The following GJA3 variants were observed in gnomAD, a reference collection of about 807,000 sequenced individuals.
GJA3 encodes gap junction protein alpha 3.
For synonymous variants in GJA3, 297 were observed against 292.6 expected (o/e 1.02, Z -0.15); for missense variants, 571 against 620.3 (o/e 0.92, Z 0.84).
chr13:20,153,659 G>C (rs995019446), intron 1 of GJA3, among the ~76,000 whole-genome samples: 2 of 152,136 alleles, frequency 1.3e-5, no homozygotes, highest in Non-Finnish European at 2.9e-5. Context: ...GGAAGGGATA[G>C]TATTAGGAGA....
chr13:20,154,114 GA>G (rs2141144516), intron 1 of GJA3, among the ~76,000 whole-genome samples: 1 of 152,184 alleles, frequency 6.6e-6, no homozygotes, highest in Non-Finnish European at 1.5e-5. Flanking sequence ...TCTAACACAG[GA>G]AACTTAGGTA....
rs568779172 is a variant in GJA3, at chr13:20,150,726, C to T, written c.-17-7421G>A. On this transcript the variant is annotated intron_variant, in intron 1 of 1. Transcript: ENST00000241125. Reference sequence around the variant, plus strand: ...GGAGGGCGAAGGCCCCCTGAGGCCCCGCAGAGCCTGGCACAGCTGTGACAG... The same window carrying T: ...GGAGGGCGAAGGCCCCCTGAGGCCCTGCAGAGCCTGGCACAGCTGTGACAG... 6.6e-5 allele frequency among the ~76,000 whole-genome samples: 10 copies of T among 152,092 alleles called. No individual in the cohort carries two copies. The South Asian group carries it at 8.3e-4, about 13-fold the overall frequency.
intron 1 of GJA3, among the ~76,000 whole-genome samples, chr13:20,154,017 T>TAGATATACAG (rs1779748502): frequency 6.6e-6 from 1 of 152,214 alleles, no homozygotes; most frequent in African/African-American, 2.4e-5. Context: ...GCAACAGTTC[T>TAGATATACAG]AGATATACAG....
intron 1 of GJA3, among the ~76,000 whole-genome samples, chr13:20,159,194 G>A (rs1409622603): frequency 1.3e-5 from 2 of 151,692 alleles, no homozygotes; most frequent in East Asian, 1.9e-4. Flanking sequence ...GTGTGGCACT[G>A]TGCCACACAC....
At chr13:20,149,642 T>C (rs1442751320) in intron 1 of GJA3, among the ~76,000 whole-genome samples, 2 of 152,144 alleles carry the variant, frequency 1.3e-5, no homozygotes, top group Non-Finnish European at 1.5e-5. Flanking sequence ...AAATGGGCAG[T>C]TGGGGAAAAG....
Position 20,143,004 on chromosome 13 carries a change from G to C in GJA3, c.285C>G (p.His95Gln). The change falls in exon 2 of 2, where the codon CAC becomes CAG. Residue 95 changes from histidine (H) to glutamine (Q), a missense_variant. Physicochemically the swap from His to Gln is conservative, Grantham distance 24 (BLOSUM62 0). Transcript: ENST00000241125. ...VSTPTLIYLG[H>Q]VLHIVRMEEK... ...CTTCCATGCGCACGATGTGCAGCAC[G>C]TGGCCCAGGTAGATGAGGGTGGGCG... is the stretch of plus-strand genomic sequence containing the variant. 2 of 1,607,098 alleles carry C rather than the reference G, an allele frequency of 1.2e-6. No homozygotes were observed. The highest frequency in any genetic ancestry group is 1.7e-6 in the Non-Finnish European group (2 of 1,176,666).
Position 20,142,089 on chromosome 13 carries a change from G to A in GJA3, c.1200C>T (p.Thr400=), listed in dbSNP as rs1360108085. 5 of 1,549,148 alleles carry A rather than the reference G, an allele frequency of 3.2e-6. No homozygotes were observed. Among genetic ancestry groups the A allele is most frequent in the Admixed American group, 2.0e-5 (1 of 50,962 alleles). Residue 400 remains threonine (T), a synonymous_variant, in exon 2 of 2, where the codon ACC becomes ACT. Coordinates refer to ENST00000241125, the MANE Select transcript of GJA3 (RefSeq NM_021954.4). ...TPEEEEQAVT[T]AAQMHQPPLP... ...AGGGCGGCTGGTGCATCTGGGCCGCGGTGGTCACGGCCTGCTCCTCCTCCT... is the reference window on the plus strand; with the variant it reads ...AGGGCGGCTGGTGCATCTGGGCCGCAGTGGTCACGGCCTGCTCCTCCTCCT...
At position 20,141,676 on chromosome 13, in the gene GJA3, C is replaced by G. The variant is rs1674061178; in HGVS notation, c.*305G>C. ...CTTTACCACTACAGAACAGTTACCC[C>G]CAGAGACAGCCCTCAGCGACCAGAT... On this transcript the variant is annotated 3_prime_UTR_variant, in exon 2 of 2. Coordinates refer to ENST00000241125, the MANE Select transcript of GJA3 (RefSeq NM_021954.4). The G allele has an allele frequency of 1.8e-5, 8 of 433,156 alleles. No homozygotes were observed. 26.8% of individuals were successfully genotyped at this position (433,156 alleles called of 1,614,324 possible).
At position 20,161,046 on chromosome 13, in the gene GJA3, A is replaced by G; in HGVS notation, c.-174T>C. 6.6e-6 allele frequency: 1 copy of G among 151,068 alleles called. No homozygotes were observed. The highest frequency in any genetic ancestry group is 1.5e-5 in the Non-Finnish European group (1 of 68,028). 9.4% of individuals were successfully genotyped at this position (151,068 alleles called of 1,614,324 possible). A position where few individuals can be genotyped will look rare whatever the true frequency, so the allele number is the denominator to read the frequency against. On this transcript the variant is annotated 5_prime_UTR_variant, in exon 1 of 2. Coordinates refer to ENST00000241125, the MANE Select transcript of GJA3 (RefSeq NM_021954.4). ...CCCTGATCGCCATCCCTGCAGCCCCAGTGTGCGCTGCGCCCGACGCCCCCA... is the reference window on the plus strand; with the variant it reads ...CCCTGATCGCCATCCCTGCAGCCCCGGTGTGCGCTGCGCCCGACGCCCCCA...
intron 1 of GJA3, among the ~76,000 whole-genome samples, chr13:20,147,986 C>G (rs547538604): frequency 6.6e-6 from 1 of 152,304 alleles, no homozygotes; most frequent in South Asian, 2.1e-4. Flanking sequence ...TGAGCAAGGG[C>G]AAGGGTGTCT....
intron 1 of GJA3, among the ~76,000 whole-genome samples, chr13:20,158,456 A>T (rs977494768): frequency 3.9e-5 from 6 of 152,064 alleles, no homozygotes; most frequent in African/African-American, 1.4e-4. Flanking sequence ...GATAATCAGG[A>T]GGTCTAAATG....
chr13:20,145,257 T>C (rs1451279546), intron 1 of GJA3, among the ~76,000 whole-genome samples: 1 of 152,136 alleles, frequency 6.6e-6, no homozygotes, highest in Non-Finnish European at 1.5e-5. Context: ...CTCTACTCAT[T>C]AACAATCTAA....
intron 1 of GJA3, among the ~76,000 whole-genome samples, chr13:20,150,821 G>C (rs1437711294): frequency 1.3e-5 from 2 of 152,296 alleles, no homozygotes; most frequent in African/African-American, 4.8e-5. Flanking sequence ...TCTGAGGCAG[G>C]GGTGACTCTG....
At position 20,142,290 on chromosome 13, in the gene GJA3, G is replaced by A. The variant is rs200588691; in HGVS notation, c.999C>T (p.Ala333=). 3 of 1,568,596 alleles carry A rather than the reference G, an allele frequency of 1.9e-6. No homozygotes were observed. Among genetic ancestry groups the A allele is most frequent in the East Asian group, 2.4e-5 (1 of 41,610 alleles). ...MTEQNWANQA[A]ERQPPALKAY... is the part of the protein sequence containing the mutation. ...CCTTGAGCGCCGGGGGCTGCCGCTC[G>A]GCCGCCTGGTTGGCCCAGTTCTGCT... The change falls in exon 2 of 2, where the codon GCC becomes GCT. Residue 333 remains alanine (A), a synonymous_variant. Coordinates refer to ENST00000241125, the MANE Select transcript of GJA3 (RefSeq NM_021954.4).
chr13:20,158,131 C>T (rs935898223), intron 1 of GJA3, among the ~76,000 whole-genome samples: 13 of 152,198 alleles, frequency 8.5e-5, no homozygotes, highest in Middle Eastern at 3.2e-3. Flanking sequence ...TGAGCCACCA[C>T]ACCCAGTCAG....
At chr13:20,159,924 G>A (rs943369555) in intron 1 of GJA3, among the ~76,000 whole-genome samples, 4 of 152,194 alleles carry the variant, frequency 2.6e-5, no homozygotes, top group Non-Finnish European at 5.9e-5. Context: ...GACCGCCAGT[G>A]AAGTGATGCG....
intron 1 of GJA3, among the ~76,000 whole-genome samples, chr13:20,146,937 C>T (rs1593336050): frequency 1.3e-5 from 2 of 152,214 alleles, no homozygotes; most frequent in African/African-American, 4.8e-5. Context: ...CTACTACCAT[C>T]CTTCTCTCCC....
intron 1 of GJA3, among the ~76,000 whole-genome samples, chr13:20,152,868 G>A (rs917565378): frequency 3.3e-5 from 5 of 152,186 alleles, no homozygotes; most frequent in Non-Finnish European, 7.3e-5. Flanking sequence ...ATGTCTGTGA[G>A]GGTTTGGTAC....
chr13:20,158,126 C>T (rs553420754), intron 1 of GJA3, among the ~76,000 whole-genome samples: 98 of 152,286 alleles, frequency 6.4e-4, no homozygotes, highest in Non-Finnish European at 9.1e-4. Flanking sequence ...ATGCATGAGC[C>T]ACCACACCCA....
Sources: gnomAD v4.1 joint callset for allele counts (sites outside exome capture counted in the v4.1 genomes callset) on GRCh38, gnomAD v4.1.1 for gene constraint, MANE v1.5 for transcripts, NCBI Gene and HGNC (gene_info 2026-07-23, HGNC 2026-07-21) for gene names.